The following GAPVD1 variants were observed in gnomAD, a reference collection of about 807,000 sequenced individuals.
GAPVD1 encodes GTPase activating protein and VPS9 domains 1, also known as GTPase-activating protein and VPS9 domain-containing protein 1.
GAPVD1 carries 35 observed loss-of-function variants against 155.5 expected under a neutral mutation model. The ratio of observed to expected loss-of-function variants is 0.23; its 90% CI spans 0.17 to 0.30. The LOEUF (loss-of-function observed/expected upper bound fraction) is 0.30. GAPVD1 is among the 10% of genes least tolerant of loss of function. The pLI is 1.00. For missense variants in GAPVD1, 1,429 were observed against 1,775.7 expected (o/e 0.80, Z 3.51); for synonymous variants, 636 against 619.7 (o/e 1.03, Z -0.39).
intron 24 of GAPVD1, among the ~76,000 whole-genome samples, chr9:125,355,075 G>C (rs1381024766): frequency 6.6e-6 from 1 of 151,984 alleles, no homozygotes; most frequent in African/African-American, 2.4e-5. Context: ...TAAATTTTTG[G>C]ATCTATACAA....
Position 125,352,441 on chromosome 9 carries a change from G to A in GAPVD1, c.3569+1569G>A, listed in dbSNP as rs117846449. ...GGCTCAACACCTCATGGAATCTGCCGAGGCTTGGGGCTTGCACTCTCTGAA... is the reference window on the plus strand; with the variant it reads ...GGCTCAACACCTCATGGAATCTGCCAAGGCTTGGGGCTTGCACTCTCTGAA... On this transcript the variant is annotated intron_variant, in intron 23 of 27. Transcript: ENST00000297933. Among the ~76,000 whole-genome samples, 32 of 152,328 alleles carry A rather than the reference G, an allele frequency of 2.1e-4. No homozygotes were observed. The East Asian group carries it at 2.5e-3, about 12-fold the overall frequency.
At position 125,362,883 on chromosome 9, in the gene GAPVD1, T is replaced by G; in HGVS notation, c.*137T>G. The stretch of plus-strand genomic sequence containing the variant: ...CATCAGGCATTTTAAAGCAGATCTT[T>G]ACTAAACAGGTTAATGAGCTAACAA... On this transcript the variant is annotated 3_prime_UTR_variant, in exon 28 of 28. Transcript: ENST00000297933. The G allele has an allele frequency of 1.6e-6, 1 of 639,884 alleles. No homozygotes were observed. Among genetic ancestry groups the G allele is most frequent in the Non-Finnish European group, 2.5e-6 (1 of 398,592 alleles). 39.6% of individuals were successfully genotyped at this position (639,884 alleles called of 1,614,324 possible). A position where few individuals can be genotyped will look rare whatever the true frequency, so the allele number is the denominator to read the frequency against.
intron 1 of GAPVD1, among the ~76,000 whole-genome samples, chr9:125,266,309 ATTTTATTTTATTTTT>A (rs1008971220): frequency 2.7e-5 from 4 of 146,524 alleles, no homozygotes; most frequent in African/African-American, 7.5e-5. Flanking sequence ...ATTTTATTTT[ATTTTATTTTATTTTT>A]TTTTTTTTAG....
At chr9:125,321,069 T>A (rs553128578) in intron 9 of GAPVD1, among the ~76,000 whole-genome samples, 1 of 152,280 alleles carries the variant, frequency 6.6e-6, no homozygotes, top group South Asian at 2.1e-4. Flanking sequence ...AAACTGAGGC[T>A]TAGAGAATTT....
At chr9:125,313,917 A>C (rs555346049) in intron 9 of GAPVD1, among the ~76,000 whole-genome samples, 2 of 152,284 alleles carry the variant, frequency 1.3e-5, no homozygotes, top group South Asian at 4.1e-4. Context: ...TTTAATGCTT[A>C]ATTCTTTGTT....
chr9:125,294,966 T>A (rs1273693844), intron 2 of GAPVD1, among the ~76,000 whole-genome samples: 1 of 151,768 alleles, frequency 6.6e-6, no homozygotes, highest in Admixed American at 6.6e-5. Context: ...AATGTTTAGA[T>A]TAGTTGATTG....
chr9:125,336,998 C>G lies in GAPVD1; in HGVS notation c.2429-20C>G. ...TGTCCTGCGTCCTGGCTTGGTCTCA[C>G]AGTTTCCCTCCTGTTTTAGGTGCCC... is the stretch of plus-strand genomic sequence containing the variant. On this transcript the variant is annotated intron_variant, in intron 15 of 27. Transcript: ENST00000297933. 1 of 1,503,372 alleles carries G rather than the reference C, an allele frequency of 6.7e-7. No homozygotes were observed. The highest frequency in any genetic ancestry group is 2.3e-5 in the East Asian group (1 of 44,330). 93.1% of individuals were successfully genotyped at this position (1,503,372 alleles called of 1,614,324 possible). A position where few individuals can be genotyped will look rare whatever the true frequency, so the allele number is the denominator to read the frequency against.
At chr9:125,319,869 A>G (rs1401089015) in intron 9 of GAPVD1, among the ~76,000 whole-genome samples, 1 of 152,188 alleles carries the variant, frequency 6.6e-6, no homozygotes, top group East Asian at 1.9e-4. Flanking sequence ...TGCTGGGGTT[A>G]CAGGCATGAG....
At chr9:125,296,653 C>CTTT (rs34723392) in intron 3 of GAPVD1, among the ~76,000 whole-genome samples, 58,876 of 124,724 alleles carry the variant, frequency 0.47, 14,247 homozygotes, top group African/African-American at 0.52. Context: ...TGTGCCTGGC[C>CTTT]TTTTTTTTTT....
intron 1 of GAPVD1, among the ~76,000 whole-genome samples, chr9:125,262,498 C>G (rs1035573133): frequency 2.0e-5 from 3 of 152,126 alleles, no homozygotes; most frequent in African/African-American, 7.2e-5. Context: ...CATCCCTTTT[C>G]TTTTAACTTC....
chr9:125,279,338 A>C (rs890764051), intron 2 of GAPVD1, among the ~76,000 whole-genome samples: 40 of 152,076 alleles, frequency 2.6e-4, no homozygotes, highest in African/African-American at 9.2e-4. Context: ...TGGGAAGCTG[A>C]GGCAGGTGGA....
intron 3 of GAPVD1, among the ~76,000 whole-genome samples, chr9:125,297,870 C>T (rs768730013): frequency 1.3e-5 from 2 of 152,004 alleles, no homozygotes; most frequent in Non-Finnish European, 2.9e-5. Flanking sequence ...CTCAGCCTCC[C>T]GAGTAGCTAG....
intron 2 of GAPVD1, chr9:125,287,789 G>A (rs1837944424): frequency 6.6e-6 from 1 of 152,112 alleles, no homozygotes; most frequent in Admixed American, 6.6e-5. Flanking sequence ...CACCTAGGCT[G>A]GAGTGCATTG....
intron 9 of GAPVD1, among the ~76,000 whole-genome samples, chr9:125,314,951 C>T (rs1486214281): frequency 4.0e-5 from 6 of 151,842 alleles, no homozygotes; most frequent in Non-Finnish European, 8.8e-5. Flanking sequence ...CCACGCCCGG[C>T]TATTTTTTTG....
At chr9:125,281,541 C>T (rs1250784404) in intron 2 of GAPVD1, among the ~76,000 whole-genome samples, 1 of 152,134 alleles carries the variant, frequency 6.6e-6, no homozygotes, top group East Asian at 1.9e-4. Flanking sequence ...ATATTATTAA[C>T]ATCTTATATT....
At chr9:125,287,245 A>C (rs1837853586) in intron 2 of GAPVD1, among the ~76,000 whole-genome samples, 1 of 152,110 alleles carries the variant, frequency 6.6e-6, no homozygotes, top group Non-Finnish European at 1.5e-5. Context: ...GATGAACTCA[A>C]AGTAAAAATG....
chr9:125,334,429 A>G (rs2131886606), intron 15 of GAPVD1, among the ~76,000 whole-genome samples: 1 of 152,346 alleles, frequency 6.6e-6, no homozygotes, highest in South Asian at 2.1e-4. Context: ...ATTCTGAGAT[A>G]TGATGAGATG....
chr9:125,272,326 A>G (rs1835054067), intron 2 of GAPVD1, among the ~76,000 whole-genome samples: 1 of 152,180 alleles, frequency 6.6e-6, no homozygotes. Context: ...CCAGCCAAAA[A>G]TACATTAATT....
At chr9:125,324,050 A>G in intron 11 of GAPVD1, 127 bp downstream of exon 11, 1 of 722,712 alleles carries the variant, frequency 1.4e-6, no homozygotes, top group Non-Finnish European at 2.3e-6. Flanking sequence ...CTTAACATTT[A>G]TTCATCATTC....
Sources: allele counts gnomAD v4.1 joint callset (sites outside exome capture counted in the v4.1 genomes callset), GRCh38; gene constraint gnomAD v4.1.1; transcripts MANE v1.5; gene names NCBI Gene and HGNC (gene_info 2026-07-23, HGNC 2026-07-21).